The following PPP2R2B variants were observed in gnomAD, a reference collection of about 807,000 sequenced individuals.
PPP2R2B encodes the protein serine/threonine-protein phosphatase 2A 55 kDa regulatory subunit B beta isoform.
Under a neutral mutation model 46.0 loss-of-function variants are expected in PPP2R2B, and 5 were observed. That is an observed-to-expected ratio of 0.11 (90% CI 0.06 to 0.23). The LOEUF (loss-of-function observed/expected upper bound fraction) is 0.23, where lower values mean the gene tolerates loss of function less well. Among genes scored for constraint, PPP2R2B ranks in the 10% least tolerant of loss-of-function variants. PPP2R2B has a pLI of 1.00. For missense variants in PPP2R2B, 367 were observed against 575.0 expected (o/e 0.64, Z 3.70); for synonymous variants, 215 against 206.7 (o/e 1.04, Z -0.34).
chr5:146,916,338 G>T (rs868669880), intron 1 of PPP2R2B, among the ~76,000 whole-genome samples: 1 of 148,320 alleles, frequency 6.7e-6, no homozygotes, highest in Middle Eastern at 3.2e-3. Context: ...ATCTCTTTGA[G>T]TATATAGTAG....
chr5:146,934,772 T>G (rs1764087413), intron 1 of PPP2R2B, among the ~76,000 whole-genome samples: 1 of 151,798 alleles, frequency 6.6e-6, no homozygotes, highest in African/African-American at 2.4e-5. Flanking sequence ...TTTTTTTTTT[T>G]GATTGAAAGG....
chr5:146,848,827 GA>G (rs1187629965), intron 2 of PPP2R2B, among the ~76,000 whole-genome samples: 2 of 150,976 alleles, frequency 1.3e-5, no homozygotes, highest in African/African-American at 2.5e-5. Flanking sequence ...AATTTATCTG[GA>G]GTTCTGCATG....
At chr5:146,923,101 C>T (rs1283253456) in intron 1 of PPP2R2B, among the ~76,000 whole-genome samples, 1 of 152,162 alleles carries the variant, frequency 6.6e-6, no homozygotes, top group Non-Finnish European at 1.5e-5. Flanking sequence ...CCAGGTTTTT[C>T]CGCTACATGA....
At chr5:146,961,755 G>T (rs1435007281) in intron 1 of PPP2R2B, among the ~76,000 whole-genome samples, 1 of 152,022 alleles carries the variant, frequency 6.6e-6, no homozygotes, top group African/African-American at 2.4e-5. Flanking sequence ...ATCAGTACTG[G>T]ATATTTAAAC....
At chr5:146,960,411 T>G (rs1752119496) in intron 1 of PPP2R2B, among the ~76,000 whole-genome samples, 1 of 152,044 alleles carries the variant, frequency 6.6e-6, no homozygotes, top group South Asian at 2.1e-4. Context: ...CACCTCAGCC[T>G]CCTGAGTAGC....
chr5:146,644,563 T>G (rs974097), intron 6 of PPP2R2B, among the ~76,000 whole-genome samples: 115,334 of 152,130 alleles, frequency 0.76, 44,987 homozygotes, highest in South Asian at 0.84. Context: ...GAACCTCATC[T>G]CGATGGGTAA....
chr5:146,749,601 C>A (rs1053924866), intron 2 of PPP2R2B, among the ~76,000 whole-genome samples: 4 of 124,106 alleles, frequency 3.2e-5, no homozygotes, highest in Admixed American at 2.4e-4. Flanking sequence ...TTTTTCTTTT[C>A]TTTTCTTTTT....
At chr5:146,705,078 GACCAGGTC>G (rs1779757316) in intron 2 of PPP2R2B, among the ~76,000 whole-genome samples, 1 of 152,144 alleles carries the variant, frequency 6.6e-6, no homozygotes, top group Non-Finnish European at 1.5e-5. Flanking sequence ...ATATCTTACT[GACCAGGTC>G]ACTAGCACTG....
intron 1 of PPP2R2B, among the ~76,000 whole-genome samples, chr5:147,049,152 A>AG (rs1256765617): frequency 9.2e-5 from 14 of 151,788 alleles, no homozygotes; most frequent in Non-Finnish European, 2.9e-5. Flanking sequence ...AGGCCAGGAA[A>AG]GGATTCTCTG....
intron 1 of PPP2R2B, among the ~76,000 whole-genome samples, chr5:146,977,285 G>A (rs963450834): frequency 2.0e-5 from 3 of 152,206 alleles, no homozygotes; most frequent in Non-Finnish European, 2.9e-5. Flanking sequence ...CTGGAATGCA[G>A]TGGGGCAAGC....
chr5:146,724,784 G>T (rs765005778), intron 2 of PPP2R2B, among the ~76,000 whole-genome samples: 10 of 152,038 alleles, frequency 6.6e-5, no homozygotes, highest in Non-Finnish European at 1.3e-4. Context: ...ACAAAAGCAA[G>T]TCTATCTGGG....
intron 2 of PPP2R2B, among the ~76,000 whole-genome samples, chr5:147,067,507 A>C (rs2151909716): frequency 6.6e-6 from 1 of 152,282 alleles, no homozygotes; most frequent in African/African-American, 2.4e-5. Flanking sequence ...TTCCAGGCCA[A>C]GTAATATTCC....
intron 2 of PPP2R2B, among the ~76,000 whole-genome samples, chr5:146,817,716 A>G (rs576984119): frequency 4.6e-5 from 7 of 152,206 alleles, no homozygotes; most frequent in Admixed American, 4.6e-4. Context: ...CCCATTTCCA[A>G]GCTCATTTTC....
At chr5:146,677,402 C>A (rs73793215) in intron 5 of PPP2R2B, among the ~76,000 whole-genome samples, 1 of 152,046 alleles carries the variant, frequency 6.6e-6, no homozygotes, top group Non-Finnish European at 1.5e-5. Context: ...TAGGCAGGGG[C>A]AAATGAAGTA....
chr5:146,995,261 G>A (rs531090807), intron 1 of PPP2R2B, among the ~76,000 whole-genome samples: 2 of 152,148 alleles, frequency 1.3e-5, no homozygotes, highest in South Asian at 4.1e-4. Flanking sequence ...TTAAATAGGA[G>A]CAGTGCCTGC....
intron 2 of PPP2R2B, among the ~76,000 whole-genome samples, chr5:146,734,817 A>G (rs1034910314): frequency 6.6e-6 from 1 of 152,194 alleles, no homozygotes; most frequent in African/African-American, 2.4e-5. Context: ...ACCTGATGAT[A>G]CTTATGTTTT....
At chr5:146,929,649 T>C (rs1427103135) in intron 1 of PPP2R2B, among the ~76,000 whole-genome samples, 2 of 152,102 alleles carry the variant, frequency 1.3e-5, no homozygotes, top group African/African-American at 4.8e-5. Context: ...TGGGCTTAAT[T>C]TTATTATTTA....
intron 1 of PPP2R2B, among the ~76,000 whole-genome samples, chr5:146,990,636 G>A (rs1249293634): frequency 3.6e-4 from 54 of 152,062 alleles, no homozygotes; most frequent in Admixed American, 3.5e-3. Context: ...TAGGGGAAAT[G>A]CTTCATGAAA....
chr5:146,609,540 G>A (rs994845794), intron 7 of PPP2R2B, among the ~76,000 whole-genome samples: 5 of 151,996 alleles, frequency 3.3e-5, no homozygotes, highest in Non-Finnish European at 4.4e-5. Flanking sequence ...CAGCGTGAGC[G>A]ACGCAGAAGA....
Sources: gnomAD v4.1 joint callset for allele counts (sites outside exome capture counted in the v4.1 genomes callset) on GRCh38, gnomAD v4.1.1 for gene constraint, MANE v1.5 for transcripts, NCBI Gene and HGNC (gene_info 2026-07-23, HGNC 2026-07-21) for gene names.